Variants in VAPB observed in about 807,000 individuals in gnomAD.
VAPB encodes vesicle-associated membrane protein-associated protein B/C.
In VAPB, 7 loss-of-function variants were observed where a neutral mutation model predicts 25.6. The ratio of observed to expected loss-of-function variants is 0.27; its 90% CI spans 0.16 to 0.51. The LOEUF (loss-of-function observed/expected upper bound fraction) is 0.51, where lower values mean the gene tolerates loss of function less well. Among genes scored for constraint, VAPB ranks in the 20% least tolerant of loss-of-function variants. The pLI, the probability that VAPB is intolerant of heterozygous loss-of-function variation, is 0.97. For synonymous variants in VAPB, 112 were observed against 109.2 expected (o/e 1.03, Z -0.16); for missense variants, 266 against 301.3 (o/e 0.88, Z 0.87).
At position 58,426,950 on chromosome 20, in the gene VAPB, C is replaced by T. The variant is rs150180487; in HGVS notation, c.212-7652C>T. On this transcript the variant is annotated intron_variant, in intron 2 of 5. Coordinates refer to ENST00000475243, the MANE Select transcript of VAPB (RefSeq NM_004738.5). ...TGCTCTGTTACCGTTATAATGCAGACGAAAGTGATCTGTGATCTGTTACCA... is the reference window on the plus strand; with the variant it reads ...TGCTCTGTTACCGTTATAATGCAGATGAAAGTGATCTGTGATCTGTTACCA... Among the ~76,000 whole-genome samples, 1,418 of 152,274 alleles carry T rather than the reference C, an allele frequency of 9.3e-3. 27 individuals are homozygous for T. Among genetic ancestry groups the T allele is most frequent in the African/African-American group, 0.032 (1,344 of 41,528 alleles).
chr20:58,393,809 C>T (rs1211117633), intron 1 of VAPB, among the ~76,000 whole-genome samples: 5 of 151,986 alleles, frequency 3.3e-5, no homozygotes, highest in Non-Finnish European at 5.9e-5. Context: ...CTTGGCTCAC[C>T]GCAACCTCCG....
chr20:58,444,179 G>T lies in VAPB; in HGVS notation c.676G>T (p.Ala226Ser). ...AGAAGGCCTTAGCACCCGGCTCTTG[G>T]CTCTGGTGGTTTTGTTCTTTATCGT... is the stretch of plus-strand genomic sequence containing the variant. ...KEEGLSTRLLALVVLFFIVGV... is the reference protein window; with the variant it reads ...KEEGLSTRLLSLVVLFFIVGV... The change falls in exon 6 of 6, where the codon GCT (alanine) becomes TCT (serine). Residue 226 changes from alanine to serine, a missense_variant. By Grantham distance (99) the Ala-to-Ser change is moderately conservative. Around this residue, in one of 3 missense-constraint regions of VAPB, gnomAD observed 136 missense variants for 130.7 expected, o/e 1.04. Transcript: ENST00000475243. The T allele has an allele frequency of 6.2e-7, 1 of 1,614,186 alleles. No homozygotes were observed. Among genetic ancestry groups the T allele is most frequent in the Non-Finnish European group, 8.5e-7 (1 of 1,180,026 alleles).
intron 1 of VAPB, among the ~76,000 whole-genome samples, chr20:58,390,940 A>G (rs1362494727): frequency 1.3e-5 from 2 of 152,212 alleles, no homozygotes; most frequent in East Asian, 1.9e-4. Context: ...CAGAGAACCA[A>G]AGGCTTTCCA....
chr20:58,431,134 A>G (rs1015772779), intron 2 of VAPB: 1 of 152,240 alleles, frequency 6.6e-6, no homozygotes, highest in South Asian at 2.1e-4. Context: ...ATCTGAAGCC[A>G]TGTCTGTGAC....
intron 1 of VAPB, among the ~76,000 whole-genome samples, chr20:58,402,725 C>G (rs1026138379): frequency 6.6e-6 from 1 of 152,068 alleles, no homozygotes; most frequent in African/African-American, 2.4e-5. Flanking sequence ...GAGAAAGATG[C>G]CAGGCGCAAT....
chr20:58,447,732 C>T lies in VAPB; in HGVS notation c.*3497C>T, dbSNP rs1427489391. On this transcript the variant is annotated 3_prime_UTR_variant, in exon 6 of 6. Transcript: ENST00000475243. ...TAGCTTGACAGTTTTCAAATCGTGC[C>T]TATATTTTTTTGCATACACAAATTT... 4.4e-6 allele frequency: 2 copies of T among 453,758 alleles called. No homozygotes were observed. Among genetic ancestry groups the T allele is most frequent in the Admixed American group, 4.7e-5 (2 of 42,566 alleles). 28.1% of individuals were successfully genotyped at this position (453,758 alleles called of 1,614,324 possible). A position where few individuals can be genotyped will look rare whatever the true frequency, so the allele number is the denominator to read the frequency against.
At chr20:58,436,919 A>G (rs886292837) in intron 3 of VAPB, among the ~76,000 whole-genome samples, 2 of 148,860 alleles carry the variant, frequency 1.3e-5, no homozygotes, top group Non-Finnish European at 3.0e-5. Context: ...ATTCATATTC[A>G]TTATTTCCTA....
intron 4 of VAPB, chr20:58,440,686 G>A (rs1016304174): frequency 6.2e-5 from 29 of 465,466 alleles, no homozygotes; most frequent in East Asian, 1.3e-4. Context: ...AGTCTCAGCC[G>A]AACTTCATTA....
intron 5 of VAPB, among the ~76,000 whole-genome samples, chr20:58,441,346 AAAAC>A (rs1056728396): frequency 2.0e-5 from 3 of 152,212 alleles, no homozygotes; most frequent in African/African-American, 4.8e-5. Flanking sequence ...AAAAAAAACA[AAAAC>A]AAAAAACTTG....
In VAPB at chr20:58,449,526, ATG is replaced by A; in HGVS notation, c.*5293_*5294del. The A allele has an allele frequency of 2.2e-6, 1 of 454,106 alleles. No homozygotes were observed. Among genetic ancestry groups the A allele is most frequent in the South Asian group, 1.6e-5 (1 of 64,470 alleles). 28.1% of individuals were successfully genotyped at this position (454,106 alleles called of 1,614,324 possible). ...AAGGAAGAAAAGTGTAGCAACAAAA[ATG>A]TAGCCATTATCTAACTTGCCATAAA... On this transcript the variant is annotated 3_prime_UTR_variant, in exon 6 of 6. Coordinates refer to ENST00000475243, the MANE Select transcript of VAPB (RefSeq NM_004738.5).
intron 5 of VAPB, among the ~76,000 whole-genome samples, chr20:58,442,778 C>G (rs572253219): frequency 1.3e-5 from 2 of 152,260 alleles, no homozygotes; most frequent in South Asian, 4.1e-4. Flanking sequence ...GATCAATGTC[C>G]CACAGAGATA....
intron 2 of VAPB, among the ~76,000 whole-genome samples, chr20:58,428,422 T>C (rs547405869): frequency 1.3e-5 from 2 of 152,346 alleles, no homozygotes; most frequent in African/African-American, 2.4e-5. Context: ...CCAGAGATAC[T>C]GGTGAATACC....
chr20:58,392,467 T>C (rs1314157310), intron 1 of VAPB, among the ~76,000 whole-genome samples: 1 of 152,232 alleles, frequency 6.6e-6, no homozygotes, highest in Admixed American at 6.5e-5. Context: ...AAGAGACATC[T>C]GTGTGTGTTC....
rs889320028 is a variant in VAPB at position 58,441,362 on chromosome 20, C to T, written c.573+279C>T. Among the ~76,000 whole-genome samples the T allele has an allele frequency of 1.6e-4, 24 of 152,212 alleles. 1 individual carries two copies. The highest frequency in any genetic ancestry group is 1.4e-3 in the Admixed American group (22 of 15,290). On this transcript the variant is annotated intron_variant, in intron 5 of 5. Transcript: ENST00000475243. ...AAAAAAACAAAAACAAAAAACTTGGCCGGGTGCGGTGGCTCACGCCTGTAA... is the reference window on the plus strand; with the variant it reads ...AAAAAAACAAAAACAAAAAACTTGGTCGGGTGCGGTGGCTCACGCCTGTAA...
At chr20:58,413,872 G>A (rs1481663296) in intron 1 of VAPB, among the ~76,000 whole-genome samples, 5 of 132,754 alleles carry the variant, frequency 3.8e-5, no homozygotes, top group African/African-American at 1.4e-4. Flanking sequence ...CTGGCAGAGG[G>A]GCTCCTCACT....
rs1244125094 is a variant in VAPB at position 58,450,041 on chromosome 20, T to A, written c.*5806T>A. 2 of 454,010 alleles carry A rather than the reference T, an allele frequency of 4.4e-6. No individual in the cohort carries two copies. The highest frequency in any genetic ancestry group is 8.8e-6 in the Non-Finnish European group (2 of 226,810). 28.1% of individuals were successfully genotyped at this position (454,010 alleles called of 1,614,324 possible). On this transcript the variant is annotated 3_prime_UTR_variant, in exon 6 of 6. Transcript: ENST00000475243. Reference sequence around the variant, plus strand: ...CAAGATTGCGGGGCTTTTTAGGGTTTAAGAAGATGAGAAATGAGTGTGCAC... The same window carrying A: ...CAAGATTGCGGGGCTTTTTAGGGTTAAAGAAGATGAGAAATGAGTGTGCAC...
chr20:58,426,122 C>T (rs911895684), intron 2 of VAPB, among the ~76,000 whole-genome samples: 37 of 152,160 alleles, frequency 2.4e-4, no homozygotes, highest in African/African-American at 8.4e-4. Context: ...CCTCAAACTC[C>T]TGGCCTCAAG....
At chr20:58,400,576 T>TTGGC (rs1374103206) in intron 1 of VAPB, among the ~76,000 whole-genome samples, 5 of 152,244 alleles carry the variant, frequency 3.3e-5, no homozygotes, top group Non-Finnish European at 5.9e-5. Context: ...TATTTATTGC[T>TTGGC]TGGCTTTCAC....
chr20:58,398,261 G>A (rs187112686), intron 1 of VAPB, among the ~76,000 whole-genome samples: 3 of 152,336 alleles, frequency 2.0e-5, no homozygotes, highest in East Asian at 3.9e-4. Context: ...TCAAAATTAT[G>A]ATGGCTTCAC....
Sources: gnomAD v4.1 joint callset for allele counts (sites outside exome capture counted in the v4.1 genomes callset) on GRCh38, gnomAD v4.1.1 for gene constraint, gnomAD v4.1.1 regional missense constraint, MANE v1.5 for transcripts, NCBI Gene and HGNC (gene_info 2026-07-23, HGNC 2026-07-21) for gene names.